The following ABCG1 variants were observed in gnomAD, a reference collection of about 807,000 sequenced individuals.
ABCG1 encodes the protein ATP-binding cassette sub-family G member 1.
A neutral mutation model predicts 69.2 loss-of-function variants in ABCG1; 29 were observed. That is an observed-to-expected ratio of 0.42 (90% CI 0.31 to 0.57). ABCG1 has a LOEUF of 0.57. Ranked by LOEUF, ABCG1 falls within the 20% of genes least tolerant of loss-of-function variation. The pLI, the probability that ABCG1 is intolerant of heterozygous loss-of-function variation, is 0.15. For synonymous variants in ABCG1, 370 were observed against 374.8 expected, an observed-to-expected ratio of 0.99 and a Z score of 0.15; for missense variants, 718 against 898.1, an observed-to-expected ratio of 0.80 and a Z score of 2.56.
intron 5 of ABCG1, among the ~76,000 whole-genome samples, chr21:42,281,519 T>C (rs1173350034): frequency 6.6e-6 from 1 of 152,248 alleles, no homozygotes; most frequent in Admixed American, 6.5e-5. Flanking sequence ...TGCTTGTTCC[T>C]GGCGTGCAGC....
In ABCG1 at chr21:42,288,566, G is replaced by C. The variant is rs573501892; in HGVS notation, c.1224+254G>C. Among the ~76,000 whole-genome samples the C allele has an allele frequency of 5.3e-5, 8 of 152,300 alleles. No homozygotes were observed. Among genetic ancestry groups the C allele is most frequent in the African/African-American group, 1.9e-4 (8 of 41,564 alleles). ...TGCTAAAAATACAAAAATTAGCCAG[G>C]CCTGGTAGTGCATGCCTGTAATCCC... On this transcript the variant is annotated intron_variant, in intron 10 of 14. Coordinates refer to ENST00000398449, the MANE Select transcript of ABCG1 (RefSeq NM_016818.3). The surrounding 1 kb of genome is among the most constrained non-coding windows in gnomAD (Gnocchi z 4.8).
At chr21:42,216,549 G>A (rs8130893), upstream of ABCG1, among the ~76,000 whole-genome samples, 1 of 152,152 alleles carries the variant, frequency 6.6e-6, no homozygotes, top group Non-Finnish European at 1.5e-5. Context: ...TTGCTGCCAG[G>A]TGACAGGAGC....
chr21:42,200,669 C>A (rs61363563), intron 1 of ABCG1, among the ~76,000 whole-genome samples: 27,497 of 150,440 alleles, frequency 0.18, 2,778 homozygotes, highest in African/African-American at 0.25. Flanking sequence ...GCTCACTGCA[C>A]CCTCTGCTTC....
intron 2 of ABCG1, among the ~76,000 whole-genome samples, chr21:42,204,060 G>A (rs930702780): frequency 6.6e-6 from 1 of 152,162 alleles, no homozygotes; most frequent in African/African-American, 2.4e-5. Context: ...CATTGACAGA[G>A]CATAGAAATA....
intron 11 of ABCG1, 66 bp downstream of exon 11, chr21:42,290,284 A>C: frequency 6.5e-7 from 1 of 1,543,380 alleles, no homozygotes; most frequent in Non-Finnish European, 8.8e-7. Flanking sequence ...GGGGGCCTGA[A>C]GTCACGCCTT....
intron 1 of ABCG1, among the ~76,000 whole-genome samples, chr21:42,200,552 G>A (rs1295846497): frequency 1.3e-5 from 2 of 151,684 alleles, no homozygotes; most frequent in African/African-American, 4.9e-5. Context: ...GTGGGGTGGA[G>A]GGATGCTTTC....
intron 1 of ABCG1, chr21:42,221,117 A>G (rs1467925060): frequency 6.6e-6 from 1 of 152,078 alleles, no homozygotes; most frequent in Non-Finnish European, 1.5e-5. Context: ...TATTTTGAAA[A>G]TTATTTTCCT....
At chr21:42,286,637 G>A (rs557249178) in intron 8 of ABCG1, among the ~76,000 whole-genome samples, 185 of 152,314 alleles carry the variant, frequency 1.2e-3, no homozygotes, top group African/African-American at 4.4e-3. Flanking sequence ...TCACAAGGAA[G>A]AGTAACAGAT....
intron 1 of ABCG1, among the ~76,000 whole-genome samples, chr21:42,223,015 C>T (rs1256142080): frequency 6.6e-6 from 1 of 152,196 alleles, no homozygotes; most frequent in Non-Finnish European, 1.5e-5. Flanking sequence ...GTTATTCCCT[C>T]GGGGCTCCCC....
At chr21:42,252,489 G>T (rs1013210792) in intron 2 of ABCG1, among the ~76,000 whole-genome samples, 3 of 152,116 alleles carry the variant, frequency 2.0e-5, no homozygotes, top group African/African-American at 7.2e-5. Flanking sequence ...ACAAAGCCAG[G>T]GCCGCCGGGC....
At chr21:42,245,291 A>G (rs1428078756) in intron 2 of ABCG1, among the ~76,000 whole-genome samples, 2 of 152,258 alleles carry the variant, frequency 1.3e-5, no homozygotes, top group African/African-American at 4.8e-5. Context: ...TGGCTCGCAT[A>G]TAGGTCTAAC....
At chr21:42,213,892 G>C (rs1244139329), upstream of ABCG1, among the ~76,000 whole-genome samples, 3 of 152,240 alleles carry the variant, frequency 2.0e-5, no homozygotes, top group African/African-American at 7.2e-5. Flanking sequence ...GTTCACCGCT[G>C]AAGGAATTTG....
chr21:42,211,853 C>T (rs1053301760), upstream of ABCG1, among the ~76,000 whole-genome samples: 4 of 152,066 alleles, frequency 2.6e-5, no homozygotes, highest in African/African-American at 9.7e-5. Flanking sequence ...TGTGCCACTG[C>T]ACTCCAGCCT....
intron 13 of ABCG1, among the ~76,000 whole-genome samples, chr21:42,294,050 G>A (rs906369808): frequency 2.6e-5 from 4 of 151,868 alleles, no homozygotes; most frequent in Non-Finnish European, 5.9e-5. Flanking sequence ...TGCTCACTGT[G>A]AACCCTGAGT....
intron 2 of ABCG1, among the ~76,000 whole-genome samples, chr21:42,260,772 G>A (rs1181914337): frequency 6.6e-6 from 1 of 151,938 alleles, no homozygotes; most frequent in African/African-American, 2.4e-5. Context: ...GTTCCCCCAT[G>A]AGCTACCCAC....
intron 2 of ABCG1, among the ~76,000 whole-genome samples, chr21:42,231,030 A>G (rs1390734335): frequency 6.6e-6 from 1 of 152,212 alleles, no homozygotes; most frequent in Non-Finnish European, 1.5e-5. Context: ...GTGTTATGAA[A>G]TGGTGTGGGG....
Position 42,288,143 on chromosome 21 carries a change from T to G in ABCG1, c.1123-68T>G. The G allele has an allele frequency of 6.2e-7, 1 of 1,607,402 alleles. No homozygotes were observed. Among genetic ancestry groups the G allele is most frequent in the Non-Finnish European group, 8.5e-7 (1 of 1,173,930 alleles). On this transcript the variant is annotated intron_variant, in intron 9 of 14. Coordinates refer to ENST00000398449, the MANE Select transcript of ABCG1 (RefSeq NM_016818.3). The surrounding 1 kb of genome is among the most constrained non-coding windows in gnomAD (Gnocchi z 4.8). ...CCGTGCACTGCTGCATGAGAGCTCT[T>G]TCCGAGCAAGAAGGAGCCGTGGCTC...
chr21:42,256,258 C>A, intron 2 of ABCG1: 1 of 1,493,600 alleles, frequency 6.7e-7, no homozygotes, highest in Non-Finnish European at 9.0e-7. Flanking sequence ...AGACAGAACA[C>A]TTACCTGCCT....
In ABCG1 at chr21:42,296,375, A is replaced by G. The variant is rs767130138; in HGVS notation, c.1984A>G (p.Ile662Val). The G allele has an allele frequency of 1.9e-6, 3 of 1,613,746 alleles. No individual in the cohort carries two copies. In the African/African-American group the frequency reaches 4.0e-5, roughly 22 times the overall value. ...TGCCTATTTTGTCCTCAGGTACAAA[A>G]TCCGGGCAGAGAGGTAAAACACCTG... ...LIAYFVLRYK[I>V]RAER The change falls in exon 15 of 15, where the codon ATC (isoleucine) becomes GTC (valine). Residue 662 changes from isoleucine to valine, a missense_variant. Coordinates refer to ENST00000398449, the MANE Select transcript of ABCG1 (RefSeq NM_016818.3). The surrounding 1 kb of genome is among the most constrained non-coding windows in gnomAD (Gnocchi z 5.4).
Sources: gnomAD v4.1 joint callset for allele counts (sites outside exome capture counted in the v4.1 genomes callset) on GRCh38, gnomAD v4.1.1 for gene constraint, Gnocchi (gnomAD v3.1) non-coding constraint, MANE v1.5 for transcripts, NCBI Gene and HGNC (gene_info 2026-07-23, HGNC 2026-07-21) for gene names.